The following ITGB5 variants were observed in gnomAD, a reference collection of about 807,000 sequenced individuals.
ITGB5 encodes integrin subunit beta 5.
In ITGB5, 38 loss-of-function variants were observed where a neutral mutation model predicts 84.8. That is an observed-to-expected ratio of 0.45 (90% CI 0.35 to 0.59). The LOEUF (loss-of-function observed/expected upper bound fraction) is 0.59. Among genes scored for constraint, ITGB5 ranks in the 20% least tolerant of loss-of-function variants. The pLI, the probability that ITGB5 is intolerant of heterozygous loss-of-function variation, is 0.01. For missense variants in ITGB5, 905 were observed against 1,034.5 expected (o/e 0.87, Z 1.72); for synonymous variants, 393 against 414.4 (o/e 0.95, Z 0.63).
chr3:124,814,970 G>A (rs1221540137), intron 8 of ITGB5, among the ~76,000 whole-genome samples: 1 of 151,978 alleles, frequency 6.6e-6, no homozygotes, highest in East Asian at 1.9e-4. Context: ...CCCATCAGCA[G>A]GGAGGGATCC....
At chr3:124,784,515 A>C (rs2064052433) in intron 10 of ITGB5, among the ~76,000 whole-genome samples, 2 of 152,142 alleles carry the variant, frequency 1.3e-5, no homozygotes, top group South Asian at 4.1e-4. Flanking sequence ...AACAACAACA[A>C]ACAAAATCAA....
At chr3:124,789,463 G>C (rs1432311155) in intron 10 of ITGB5, among the ~76,000 whole-genome samples, 1 of 88,536 alleles carries the variant, frequency 1.1e-5, no homozygotes, top group Non-Finnish European at 2.3e-5. Context: ...GACTAGACAG[G>C]GTTATCAGAA....
At chr3:124,820,874 A>C (rs1386613075) in intron 6 of ITGB5, among the ~76,000 whole-genome samples, 1 of 152,168 alleles carries the variant, frequency 6.6e-6, no homozygotes, top group African/African-American at 2.4e-5. Flanking sequence ...GCCCACCACC[A>C]CTAACACTGA....
intron 4 of ITGB5, among the ~76,000 whole-genome samples, chr3:124,847,689 T>C (rs1159237537): frequency 6.6e-6 from 1 of 152,176 alleles, no homozygotes; most frequent in South Asian, 2.1e-4. Context: ...AGAGACCCAG[T>C]TGGACTTGAG....
chr3:124,783,154 G>A (rs1030123061), intron 10 of ITGB5, among the ~76,000 whole-genome samples: 1 of 151,902 alleles, frequency 6.6e-6, no homozygotes, highest in African/African-American at 2.4e-5. Flanking sequence ...AGCCGGGCGT[G>A]GTGGCAGGCG....
At chr3:124,866,289 A>G (rs1010526594) in intron 2 of ITGB5, among the ~76,000 whole-genome samples, 10 of 152,110 alleles carry the variant, frequency 6.6e-5, no homozygotes, top group South Asian at 4.1e-4. Context: ...AGCTCCCTAC[A>G]TATTTTTTGC....
At chr3:124,820,541 GA>G (rs1306234828) in intron 6 of ITGB5, among the ~76,000 whole-genome samples, 1 of 152,144 alleles carries the variant, frequency 6.6e-6, no homozygotes, top group Non-Finnish European at 1.5e-5. Context: ...AAACAAGATG[GA>G]AGGCTTGGGC....
In ITGB5 at chr3:124,764,381, A is replaced by G. The variant is rs368687773; in HGVS notation, c.2304+10T>C. Reference sequence around the variant, plus strand: ...AAGTCTCCTCTGCTTCCCATTTCCCACGTGCTTACCATTTCATAGCGGGCC... The same window carrying G: ...AAGTCTCCTCTGCTTCCCATTTCCCGCGTGCTTACCATTTCATAGCGGGCC... On this transcript the variant is annotated intron_variant, in intron 14 of 14. Coordinates refer to ENST00000296181, the MANE Select transcript of ITGB5 (RefSeq NM_002213.5). The G allele has an allele frequency of 1.9e-6, 3 of 1,594,300 alleles. No homozygotes were observed. The highest frequency in any genetic ancestry group is 1.7e-6 in the Non-Finnish European group (2 of 1,163,640).
chr3:124,866,344 G>C (rs1314579753), intron 2 of ITGB5, among the ~76,000 whole-genome samples: 1 of 152,168 alleles, frequency 6.6e-6, no homozygotes, highest in Admixed American at 6.5e-5. Flanking sequence ...TGTTCAATGG[G>C]TGCTTGGCTG....
At chr3:124,853,164 C>G (rs1430312353) in intron 3 of ITGB5, among the ~76,000 whole-genome samples, 1 of 152,108 alleles carries the variant, frequency 6.6e-6, no homozygotes, top group African/African-American at 2.4e-5. Context: ...TTTTGATTCC[C>G]TAGAAGTACT....
rs568905265 is a variant in ITGB5 at position 124,774,104 on chromosome 3, G to A, written c.1694-192C>T. Among the ~76,000 whole-genome samples the A allele has an allele frequency of 3.3e-5, 5 of 152,322 alleles. No homozygotes were observed. In the East Asian group the frequency reaches 5.8e-4, roughly 18 times the overall value. On this transcript the variant is annotated intron_variant, in intron 10 of 14. Transcript: ENST00000296181. Reference sequence around the variant, plus strand: ...AGGGACAGCAGGGGACCCTGGCAGCGGGTGTGGCTGGGTTGGGTCTAGACT... The same window carrying A: ...AGGGACAGCAGGGGACCCTGGCAGCAGGTGTGGCTGGGTTGGGTCTAGACT...
rs1455346577 is a variant in ITGB5, at chr3:124,882,621, C to G, written c.70+4310G>C. 3.3e-5 allele frequency among the ~76,000 whole-genome samples: 5 copies of G among 152,284 alleles called. No individual in the cohort carries two copies. The East Asian group carries it at 9.6e-4, about 29-fold the overall frequency. On this transcript the variant is annotated intron_variant, in intron 1 of 14. Coordinates refer to ENST00000296181, the MANE Select transcript of ITGB5 (RefSeq NM_002213.5). ...AGAAGTAGGTGGAGAGTTCGTGGAG[C>G]CTGGCAGGACTCTGGGAAACCATTC...
intron 10 of ITGB5, among the ~76,000 whole-genome samples, chr3:124,782,669 C>T (rs1380670406): frequency 1.3e-5 from 2 of 151,878 alleles, no homozygotes; most frequent in African/African-American, 2.4e-5. Context: ...ACCAGCCTGA[C>T]CAACATGGTG....
At chr3:124,767,657 GA>G (rs892251820) in intron 12 of ITGB5, among the ~76,000 whole-genome samples, 8 of 152,194 alleles carry the variant, frequency 5.3e-5, no homozygotes, top group African/African-American at 1.9e-4. Flanking sequence ...GCAGGGGCAG[GA>G]AGACAGGCAT....
chr3:124,828,558 CT>C (rs1289903502), intron 5 of ITGB5, among the ~76,000 whole-genome samples: 1 of 152,180 alleles, frequency 6.6e-6, no homozygotes, highest in African/African-American at 2.4e-5. Flanking sequence ...CACAAATACA[CT>C]TTTAGGGGTG....
intron 9 of ITGB5, among the ~76,000 whole-genome samples, 187 bp downstream of exon 9, chr3:124,808,835 T>C (rs2064451238): frequency 6.6e-6 from 1 of 152,178 alleles, no homozygotes; most frequent in Non-Finnish European, 1.5e-5. Context: ...CTGGGCTCTT[T>C]AACAAGTTCA....
intron 9 of ITGB5, among the ~76,000 whole-genome samples, chr3:124,806,798 T>TTTTC (rs1176948751): frequency 6.7e-6 from 1 of 150,278 alleles, no homozygotes; most frequent in African/African-American, 2.4e-5. Context: ...GCATTAGTGT[T>TTTTC]TTTTTTTTTA....
intron 9 of ITGB5, among the ~76,000 whole-genome samples, chr3:124,807,420 T>C (rs1007274737): frequency 3.3e-5 from 5 of 151,490 alleles, no homozygotes; most frequent in African/African-American, 1.2e-4. Flanking sequence ...TCTCTCCAAA[T>C]AAATAAATAA....
intron 9 of ITGB5, among the ~76,000 whole-genome samples, chr3:124,808,395 G>A (rs980693851): frequency 2.6e-5 from 4 of 152,160 alleles, no homozygotes; most frequent in South Asian, 2.1e-4. Flanking sequence ...ATCACCACTC[G>A]CGGCCTCTGT....
Sources: allele counts gnomAD v4.1 joint callset (sites outside exome capture counted in the v4.1 genomes callset), GRCh38; gene constraint gnomAD v4.1.1; transcripts MANE v1.5; gene names NCBI Gene and HGNC (gene_info 2026-07-23, HGNC 2026-07-21).